Variants in NFIB observed in about 807,000 individuals in gnomAD.
The protein encoded by NFIB is nuclear factor I B.
NFIB carries 11 observed loss-of-function variants against 61.5 expected under a neutral mutation model. That is an observed-to-expected ratio of 0.18 (90% CI 0.11 to 0.30). The LOEUF is 0.30. NFIB is among the 10% of genes least tolerant of loss of function. The probability of loss-of-function intolerance (pLI) is 1.00; values close to 1 mark genes in which losing one functional copy is unlikely to be tolerated. For missense variants in NFIB, 471 were observed against 608.9 expected, an observed-to-expected ratio of 0.77 and a Z score of 2.38; for synonymous variants, 260 against 216.5, an observed-to-expected ratio of 1.20 and a Z score of -1.76.
At chr9:14,338,401 A>AAAAG (rs1554714888) in intron 1 of NFIB, among the ~76,000 whole-genome samples, 1 of 149,290 alleles carries the variant, frequency 6.7e-6, no homozygotes, top group African/African-American at 2.5e-5. Context: ...CTCAAAAAAA[A>AAAAG]AAAAGAAAAG....
At chr9:14,246,833 C>T (rs1432601351) in intron 2 of NFIB, among the ~76,000 whole-genome samples, 1 of 152,120 alleles carries the variant, frequency 6.6e-6, no homozygotes, top group African/African-American at 2.4e-5. Context: ...TGCTGAAGAC[C>T]CAATCCCCAG....
chr9:14,277,733 A>C (rs1283120377), intron 2 of NFIB, among the ~76,000 whole-genome samples: 2 of 152,196 alleles, frequency 1.3e-5, no homozygotes, highest in African/African-American at 2.4e-5. Flanking sequence ...TGTCAAGTAC[A>C]TTTAAGCTGG....
the NFIB span, among the ~76,000 whole-genome samples, chr9:14,515,678 C>G: frequency 6.6e-6 from 1 of 152,134 alleles, no homozygotes; most frequent in South Asian, 2.1e-4. Flanking sequence ...GTCCTAGAAC[C>G]CAGCTTTTGT....
At position 14,120,326 on chromosome 9, in the gene NFIB, G is replaced by A; in HGVS notation, c.1245+114C>T. On this transcript the variant is annotated intron_variant, in intron 8 of 10. Coordinates refer to ENST00000380953, the MANE Select transcript of NFIB (RefSeq NM_001190737.2). This position sits in a 1 kb window ranked among gnomAD's most constrained non-coding sequence, Gnocchi z 4.4. ...GTCACCAAGCAACTTCCTGAAGATGGATTTCAAGGCTTGACGTTCTGCCAG... is the reference window on the plus strand; with the variant it reads ...GTCACCAAGCAACTTCCTGAAGATGAATTTCAAGGCTTGACGTTCTGCCAG... 8.6e-7 allele frequency: 1 copy of A among 1,160,298 alleles called. No individual in the cohort carries two copies. Among genetic ancestry groups the A allele is most frequent in the Non-Finnish European group, 1.3e-6 (1 of 783,458 alleles). The allele number at this position is 1,160,298 out of a possible 1,614,324, so 71.9% of individuals were successfully genotyped here.
chr9:14,288,686 G>A (rs2058875437), intron 2 of NFIB, among the ~76,000 whole-genome samples: 1 of 151,998 alleles, frequency 6.6e-6, no homozygotes, highest in Admixed American at 6.6e-5. Flanking sequence ...GTTGGTGAGA[G>A]GGTTAGTTAG....
chr9:14,136,168 A>G (rs7029562), intron 6 of NFIB, among the ~76,000 whole-genome samples: 38,851 of 152,158 alleles, frequency 0.26, 5,636 homozygotes, highest in African/African-American at 0.38. Flanking sequence ...GGAATAAATG[A>G]AAACTACTTT....
intron 1 of NFIB, among the ~76,000 whole-genome samples, chr9:14,390,431 A>G (rs894917518): frequency 6.6e-6 from 1 of 152,350 alleles, no homozygotes; most frequent in Admixed American, 6.5e-5. Flanking sequence ...ACTAAAAAAA[A>G]TTGATATGTC....
intron 2 of NFIB, among the ~76,000 whole-genome samples, chr9:14,202,128 TCACACACACACACACACACA>T (rs3080833): frequency 2.0e-5 from 3 of 147,078 alleles, no homozygotes; most frequent in Non-Finnish European, 4.5e-5. Context: ...TTGATACTTT[TCACACACACACACACACACA>T]CACACACACA....
the NFIB span, among the ~76,000 whole-genome samples, chr9:14,421,559 T>C: frequency 6.6e-6 from 1 of 152,238 alleles, no homozygotes; most frequent in East Asian, 1.9e-4. Context: ...TTGAGAAAGA[T>C]AAGAAGATGG....
chr9:14,329,512 C>CTTTTTCTT (rs1028982222), intron 1 of NFIB, among the ~76,000 whole-genome samples: 6 of 151,978 alleles, frequency 3.9e-5, no homozygotes, highest in African/African-American at 9.7e-5. Context: ...TTGTCTTTCT[C>CTTTTTCTT]TTTTTCTTTT....
intron 2 of NFIB, among the ~76,000 whole-genome samples, chr9:14,300,838 T>C (rs2059711478): frequency 6.6e-6 from 1 of 152,176 alleles, no homozygotes; most frequent in East Asian, 1.9e-4. Flanking sequence ...TTATATAGCC[T>C]ACCAGTCTAG....
chr9:14,100,465 T>C (rs1410818215), intron 10 of NFIB, among the ~76,000 whole-genome samples: 6 of 151,912 alleles, frequency 3.9e-5, no homozygotes, highest in African/African-American at 1.2e-4. Context: ...TCCCAGCACT[T>C]TGGGAGGCCG....
chr9:14,414,504 G>A, the NFIB span, among the ~76,000 whole-genome samples: 2 of 140,886 alleles, frequency 1.4e-5, no homozygotes, highest in African/African-American at 2.7e-5. Flanking sequence ...CCTTTCTCAC[G>A]TTTTGTATTT....
Position 14,253,185 on chromosome 9 carries a change from G to A in NFIB, c.562+53804C>T, listed in dbSNP as rs547696157. Among the ~76,000 whole-genome samples, 39 of 152,228 alleles carry A rather than the reference G, an allele frequency of 2.6e-4. No individual in the cohort carries two copies. In the South Asian group the frequency reaches 7.7e-3, roughly 30 times the overall value. ...TCCCTGATGGTTACAGCTCATCTTT[G>A]ACTATTCAACATGTCTTTTGTCCTG... On this transcript the variant is annotated intron_variant, in intron 2 of 10. Coordinates refer to ENST00000380953, the MANE Select transcript of NFIB (RefSeq NM_001190737.2).
chr9:14,116,041 A>G, intron 9 of NFIB, 167 bp downstream of exon 9: 1 of 754,066 alleles, frequency 1.3e-6, no homozygotes, highest in Admixed American at 4.2e-5. Context: ...GCAGGGCCAC[A>G]TCCATGCCTG....
chr9:14,092,067 C>T (rs891505681), intron 10 of NFIB, among the ~76,000 whole-genome samples: 1 of 152,080 alleles, frequency 6.6e-6, no homozygotes, highest in African/African-American at 2.4e-5. Flanking sequence ...TGGTGATGGT[C>T]CTGCTTCATT....
At chr9:14,124,965 A>G (rs1442234989) in intron 7 of NFIB, among the ~76,000 whole-genome samples, 3 of 152,228 alleles carry the variant, frequency 2.0e-5, no homozygotes, top group Admixed American at 1.3e-4. Context: ...TAATGCCTTT[A>G]GAAACACTCT....
chr9:14,416,765 A>G, the NFIB span, among the ~76,000 whole-genome samples: 1 of 152,108 alleles, frequency 6.6e-6, no homozygotes, highest in Non-Finnish European at 1.5e-5. Flanking sequence ...TAAAGCCTAC[A>G]GTAGTGTACA....
chr9:14,325,635 A>C (rs1269209927), intron 1 of NFIB, among the ~76,000 whole-genome samples: 3 of 152,090 alleles, frequency 2.0e-5, no homozygotes, highest in Non-Finnish European at 4.4e-5. Flanking sequence ...AAAATAGAGA[A>C]AGTGTGTTTT....
Sources: allele counts gnomAD v4.1 joint callset (sites outside exome capture counted in the v4.1 genomes callset), GRCh38; gene constraint gnomAD v4.1.1; non-coding constraint Gnocchi (gnomAD v3.1); transcripts MANE v1.5; gene names NCBI Gene and HGNC (gene_info 2026-07-23, HGNC 2026-07-21).